Variants in ADCY8 observed in about 807,000 individuals in gnomAD.
ADCY8 encodes the protein adenylate cyclase 8.
A neutral mutation model predicts 119.7 loss-of-function variants in ADCY8; 51 were observed. That is an observed-to-expected ratio of 0.43 (90% CI 0.34 to 0.54). The LOEUF (loss-of-function observed/expected upper bound fraction) is 0.54. Ranked by LOEUF, ADCY8 falls within the 20% of genes least tolerant of loss-of-function variation. ADCY8 has a pLI of 0.03. For missense variants in ADCY8, 1,383 were observed against 1,598.8 expected (o/e 0.87, Z 2.30); for synonymous variants, 665 against 651.0 (o/e 1.02, Z -0.33).
intron 9 of ADCY8, among the ~76,000 whole-genome samples, chr8:130,853,179 T>C (rs140518798): frequency 0.013 from 1,995 of 152,296 alleles, 15 homozygotes; most frequent in Non-Finnish European, 0.02. Context: ...ACTTATATTC[T>C]CCTCCTCTTC....
intron 3 of ADCY8, among the ~76,000 whole-genome samples, chr8:130,947,246 A>G (rs1339460479): frequency 2.0e-5 from 3 of 152,186 alleles, no homozygotes; most frequent in African/African-American, 7.2e-5. Context: ...GTCCCTGTGT[A>G]GACTCCTCTC....
At chr8:130,992,077 A>AT (rs1221396312) in intron 1 of ADCY8, among the ~76,000 whole-genome samples, 1 of 149,762 alleles carries the variant, frequency 6.7e-6, no homozygotes, top group African/African-American at 2.4e-5. Context: ...AATAAATAAA[A>AT]ATATATTTTA....
intron 8 of ADCY8, among the ~76,000 whole-genome samples, chr8:130,868,249 T>C (rs975664327): frequency 6.6e-6 from 1 of 152,162 alleles, no homozygotes; most frequent in African/African-American, 2.4e-5. Context: ...GCAAATCAAA[T>C]TTGCATTGAC....
chr8:130,927,733 C>T (rs1225405119), intron 5 of ADCY8, among the ~76,000 whole-genome samples: 1 of 151,768 alleles, frequency 6.6e-6, no homozygotes, highest in Non-Finnish European at 1.5e-5. Flanking sequence ...TATATAAAAT[C>T]ATGTCATCTG....
Position 130,909,697 on chromosome 8 carries a change from CT to C in ADCY8, c.1640+10del, listed in dbSNP as rs756864355. The C allele has an allele frequency of 1.9e-6, 3 of 1,614,054 alleles. No individual in the cohort carries two copies. The South Asian group carries it at 3.3e-5, about 18-fold the overall frequency. The stretch of plus-strand genomic sequence containing the variant: ...ACCGTTAAGCATGAAAAGGGCTTTG[CT>C]TTATCTTACCCAGGGATTCCTCCAG... On this transcript the variant is annotated intron_variant, in intron 6 of 17. Coordinates refer to ENST00000286355, the MANE Select transcript of ADCY8 (RefSeq NM_001115.3).
intron 4 of ADCY8, among the ~76,000 whole-genome samples, chr8:130,940,517 A>C (rs996397167): frequency 6.6e-6 from 1 of 151,760 alleles, no homozygotes; most frequent in African/African-American, 2.4e-5. Flanking sequence ...TTTATACAAA[A>C]AAATAAAATG....
At chr8:130,965,437 T>C (rs1216081085) in intron 2 of ADCY8, among the ~76,000 whole-genome samples, 1 of 152,170 alleles carries the variant, frequency 6.6e-6, no homozygotes, top group African/African-American at 2.4e-5. Flanking sequence ...CATCACATGA[T>C]ATACCAATGC....
At chr8:130,833,195 T>G (rs1199895610) in intron 12 of ADCY8, among the ~76,000 whole-genome samples, 1 of 152,198 alleles carries the variant, frequency 6.6e-6, no homozygotes, top group East Asian at 1.9e-4. Flanking sequence ...TTAAAAGCGG[T>G]GCACACAGTA....
intron 12 of ADCY8, among the ~76,000 whole-genome samples, chr8:130,824,611 C>A (rs971201441): frequency 6.6e-6 from 1 of 152,196 alleles, no homozygotes; most frequent in African/African-American, 2.4e-5. Flanking sequence ...GACGAATTCA[C>A]GAAGGTCGTG....
At chr8:130,803,279 T>C (rs1815839423) in intron 14 of ADCY8, among the ~76,000 whole-genome samples, 2 of 152,214 alleles carry the variant, frequency 1.3e-5, no homozygotes. Context: ...AGACCACGAC[T>C]TCCACAAGTC....
intron 1 of ADCY8, among the ~76,000 whole-genome samples, chr8:131,036,394 T>C (rs537782841): frequency 6.6e-6 from 1 of 152,280 alleles, no homozygotes; most frequent in South Asian, 2.1e-4. Context: ...ATAGAAAGCT[T>C]TCACCAACAC....
intron 1 of ADCY8, among the ~76,000 whole-genome samples, chr8:131,019,307 A>G (rs1176609970): frequency 6.6e-6 from 1 of 152,230 alleles, no homozygotes; most frequent in Non-Finnish European, 1.5e-5. Context: ...TAATGATACC[A>G]TCTATTTAAA....
intron 8 of ADCY8, among the ~76,000 whole-genome samples, chr8:130,882,892 G>A (rs1163768022): frequency 1.3e-5 from 2 of 152,138 alleles, no homozygotes; most frequent in African/African-American, 4.8e-5. Context: ...GGTGACAGGA[G>A]AGGAGTGATC....
chr8:130,997,386 G>A (rs1311922388), intron 1 of ADCY8, among the ~76,000 whole-genome samples: 1 of 124,490 alleles, frequency 8.0e-6, no homozygotes, highest in African/African-American at 3.1e-5. Flanking sequence ...TAACAAGGCA[G>A]TACAAACCCT....
rs1276754317 is a variant in ADCY8 at position 131,000,840 on chromosome 8, A to G, written c.961-10298T>C. Among the ~76,000 whole-genome samples, 24 of 151,870 alleles carry G rather than the reference A, an allele frequency of 1.6e-4. 1 individual carries two copies. Reference sequence around the variant, plus strand: ...GGTAAAGGGAAAAGAGACAACACGCACCTTGGGAAGGAGGTGCGCGTTGTC... The same window carrying G: ...GGTAAAGGGAAAAGAGACAACACGCGCCTTGGGAAGGAGGTGCGCGTTGTC... On this transcript the variant is annotated intron_variant, in intron 1 of 17. Coordinates refer to ENST00000286355, the MANE Select transcript of ADCY8 (RefSeq NM_001115.3).
intron 6 of ADCY8, 95 bp downstream of exon 6, chr8:130,909,613 G>GATCT: frequency 6.9e-7 from 1 of 1,452,490 alleles, no homozygotes; most frequent in Non-Finnish European, 9.5e-7. Context: ...TTGCTTCCTA[G>GATCT]ATCTAACCCT....
chr8:130,804,425 AT>A (rs1471348710), intron 14 of ADCY8, among the ~76,000 whole-genome samples: 1 of 152,166 alleles, frequency 6.6e-6, no homozygotes, highest in African/African-American at 2.4e-5. Flanking sequence ...GTTTAACTTA[AT>A]TACCTCTTTA....
In ADCY8 at chr8:130,873,468, G is replaced by A. The variant is rs191148464; in HGVS notation, c.2110-5522C>T. Among the ~76,000 whole-genome samples, 7 of 152,140 alleles carry A rather than the reference G, an allele frequency of 4.6e-5. 1 individual carries two copies. The highest frequency in any genetic ancestry group is 2.0e-4 in the Admixed American group (3 of 15,274). ...TATGCAGCTGGGATTACAGGCATGC[G>A]CCACCACACCCAGCTAATTTTTTGT... On this transcript the variant is annotated intron_variant, in intron 8 of 17. Coordinates refer to ENST00000286355, the MANE Select transcript of ADCY8 (RefSeq NM_001115.3).
chr8:130,930,293 C>T (rs1210122500), intron 5 of ADCY8, among the ~76,000 whole-genome samples: 1 of 151,602 alleles, frequency 6.6e-6, no homozygotes, highest in African/African-American at 2.4e-5. Context: ...GTTCTGTCAC[C>T]CAGGCTGGAG....
Sources: gnomAD v4.1 joint callset for allele counts (sites outside exome capture counted in the v4.1 genomes callset) on GRCh38, gnomAD v4.1.1 for gene constraint, MANE v1.5 for transcripts, NCBI Gene and HGNC (gene_info 2026-07-23, HGNC 2026-07-21) for gene names.